Variants in GMDS observed in about 807,000 individuals in gnomAD.
GMDS encodes the protein GDP-mannose 4,6-dehydratase, also known as GDP-mannose 4,6 dehydratase.
GMDS carries 20 observed loss-of-function variants against 49.9 expected under a neutral mutation model. That is an observed-to-expected ratio of 0.40 (90% CI 0.28 to 0.58). GMDS has a LOEUF of 0.58. GMDS is among the 20% of genes least tolerant of loss of function. GMDS has a pLI of 0.42. For synonymous variants in GMDS, 177 were observed against 178.6 expected (o/e 0.99, Z 0.07); for missense variants, 362 against 481.4 (o/e 0.75, Z 2.32).
chr6:1,833,126 CTTTTTTTTT>C lies in GMDS; in HGVS notation c.772-90549_772-90541del, dbSNP rs34633662. Among the ~76,000 whole-genome samples, 2 of 123,366 alleles carry C rather than the reference CTTTTTTTTT, an allele frequency of 1.6e-5. No individual in the cohort carries two copies. Among genetic ancestry groups the C allele is most frequent in the East Asian group, 4.7e-4 (2 of 4,288 alleles). The allele number at this position is 123,366 out of a possible 152,430, so 80.9% of individuals were successfully genotyped here. A position where few individuals can be genotyped will look rare whatever the true frequency, so the allele number is the denominator to read the frequency against. On this transcript the variant is annotated intron_variant, in intron 7 of 10. Coordinates refer to ENST00000380815, the MANE Select transcript of GMDS (RefSeq NM_001500.4). This position sits in a 1 kb window ranked among gnomAD's most constrained non-coding sequence, Gnocchi z 4.4. ...ACCCGGCAGTGGAGCGTATGAAAGC[CTTTTTTTTT>C]TTTTTTTTTTTTTTAAACTAATGCA...
chr6:1,691,939 G>C (rs1198252485), intron 9 of GMDS, among the ~76,000 whole-genome samples: 1 of 152,096 alleles, frequency 6.6e-6, no homozygotes, highest in Non-Finnish European at 1.5e-5. Context: ...TTGTTCCTGG[G>C]TGTGTCTGTG....
At chr6:2,193,013 T>G (rs567863996) in intron 1 of GMDS, among the ~76,000 whole-genome samples, 2 of 152,338 alleles carry the variant, frequency 1.3e-5, no homozygotes, top group African/African-American at 4.8e-5. Flanking sequence ...TTGGCTCTGA[T>G]AGCCCTCATC....
At chr6:1,628,826 T>G (rs867951348) in intron 9 of GMDS, among the ~76,000 whole-genome samples, 5 of 152,234 alleles carry the variant, frequency 3.3e-5, no homozygotes. Context: ...GAATTTAAGA[T>G]ACAGAGCTGT....
chr6:2,140,595 C>T (rs1469172294), intron 1 of GMDS, among the ~76,000 whole-genome samples: 2 of 152,128 alleles, frequency 1.3e-5, no homozygotes, highest in Non-Finnish European at 2.9e-5. Flanking sequence ...GAGAGAATAC[C>T]CATTTCCCAG....
At chr6:2,110,819 G>A (rs1744153843) in intron 4 of GMDS, among the ~76,000 whole-genome samples, 1 of 152,222 alleles carries the variant, frequency 6.6e-6, no homozygotes, top group South Asian at 2.1e-4. Context: ...GAAAGTATGG[G>A]TTATTCAATC....
At chr6:1,720,425 G>A (rs1766339329) in intron 9 of GMDS, among the ~76,000 whole-genome samples, 1 of 152,190 alleles carries the variant, frequency 6.6e-6, no homozygotes, top group African/African-American at 2.4e-5. Flanking sequence ...TGTGATTAAG[G>A]AAGGATATAA....
chr6:2,219,202 A>G (rs984335282), intron 1 of GMDS, among the ~76,000 whole-genome samples: 1 of 152,222 alleles, frequency 6.6e-6, no homozygotes, highest in Non-Finnish European at 1.5e-5. Flanking sequence ...ACCCATTTGC[A>G]TCTTTATATT....
chr6:2,067,538 A>G (rs1771687323), intron 4 of GMDS, among the ~76,000 whole-genome samples: 1 of 152,160 alleles, frequency 6.6e-6, no homozygotes. Flanking sequence ...AAAGAAAAAA[A>G]GAGAGAAGAA....
intron 1 of GMDS, among the ~76,000 whole-genome samples, chr6:2,173,776 G>C (rs1581749080): frequency 6.6e-6 from 1 of 152,194 alleles, no homozygotes; most frequent in South Asian, 2.1e-4. Context: ...CCCATATTCA[G>C]AGATTATAAA....
At chr6:1,889,864 A>C (rs528496830) in intron 7 of GMDS, among the ~76,000 whole-genome samples, 1 of 152,270 alleles carries the variant, frequency 6.6e-6, no homozygotes, top group South Asian at 2.1e-4. Context: ...GAATCATATA[A>C]TATGTTGCCT....
Position 1,778,423 on chromosome 6 carries a change from G to C in GMDS, c.772-35837C>G, listed in dbSNP as rs928597880. ...AAGGTTCAGTGGAGACAGCAGACGA[G>C]TGGAACGGCGGGCACTGTGCTGAGG... On this transcript the variant is annotated intron_variant, in intron 7 of 10. Transcript: ENST00000380815. The surrounding 1 kb of genome is among the most constrained non-coding windows in gnomAD (Gnocchi z 4.6). Among the ~76,000 whole-genome samples, 1 of 152,228 alleles carries C rather than the reference G, an allele frequency of 6.6e-6. No individual in the cohort carries two copies. Among genetic ancestry groups the C allele is most frequent in the South Asian group, 2.1e-4 (1 of 4,834 alleles).
At chr6:1,944,578 G>GA (rs1762978436) in intron 6 of GMDS, among the ~76,000 whole-genome samples, 1 of 151,106 alleles carries the variant, frequency 6.6e-6, no homozygotes, top group Non-Finnish European at 1.5e-5. Flanking sequence ...GCTGAGGCAG[G>GA]AGAATGGCGT....
At chr6:2,020,302 C>T (rs1374943229) in intron 4 of GMDS, among the ~76,000 whole-genome samples, 1 of 150,438 alleles carries the variant, frequency 6.6e-6, no homozygotes, top group Non-Finnish European at 1.5e-5. Context: ...TATGTTATGC[C>T]TATATAAATA....
intron 4 of GMDS, among the ~76,000 whole-genome samples, chr6:2,017,442 G>A (rs1487271876): frequency 1.3e-5 from 2 of 152,094 alleles, no homozygotes; most frequent in Non-Finnish European, 2.9e-5. Context: ...CTGAGTAACT[G>A]GGATTACAGG....
intron 8 of GMDS, among the ~76,000 whole-genome samples, chr6:1,736,846 G>A (rs1767016940): frequency 6.6e-6 from 1 of 152,200 alleles, no homozygotes; most frequent in African/African-American, 2.4e-5. Context: ...GTGGAGGGAT[G>A]TGCTCTCCCA....
At chr6:1,924,396 C>T (rs1761888813) in intron 7 of GMDS, among the ~76,000 whole-genome samples, 1 of 152,160 alleles carries the variant, frequency 6.6e-6, no homozygotes, top group African/African-American at 2.4e-5. Context: ...AGCAGGAAAA[C>T]CTCTTGCCAC....
At chr6:2,008,279 A>C (rs1187602571) in intron 4 of GMDS, among the ~76,000 whole-genome samples, 1 of 152,194 alleles carries the variant, frequency 6.6e-6, no homozygotes, top group African/African-American at 2.4e-5. Flanking sequence ...TTAAATGTAA[A>C]ATTTCTTGTT....
At chr6:1,949,324 C>T (rs1479933650) in intron 6 of GMDS, among the ~76,000 whole-genome samples, 1 of 151,308 alleles carries the variant, frequency 6.6e-6, no homozygotes, top group African/African-American at 2.5e-5. Context: ...TGCCCAAATG[C>T]ACACAGCTGA....
intron 4 of GMDS, among the ~76,000 whole-genome samples, chr6:1,990,092 C>A (rs776288076): frequency 6.6e-6 from 1 of 152,176 alleles, no homozygotes; most frequent in South Asian, 2.1e-4. Context: ...GTCAGGAGAT[C>A]GAGACCATCT....
Sources: allele counts gnomAD v4.1 joint callset (sites outside exome capture counted in the v4.1 genomes callset), GRCh38; gene constraint gnomAD v4.1.1; non-coding constraint Gnocchi (gnomAD v3.1); transcripts MANE v1.5; gene names NCBI Gene and HGNC (gene_info 2026-07-23, HGNC 2026-07-21).